Variants in RGS6 observed in about 807,000 individuals in gnomAD.
RGS6 encodes regulator of G protein signaling 6.
A neutral mutation model predicts 78.5 loss-of-function variants in RGS6; 30 were observed. That is an observed-to-expected ratio of 0.38 (90% CI 0.29 to 0.52). RGS6 has a LOEUF of 0.52. Ranked by LOEUF, RGS6 falls within the 20% of genes least tolerant of loss-of-function variation. RGS6 has a pLI of 0.85. For missense variants in RGS6, 495 were observed against 609.7 expected (o/e 0.81, Z 1.98); for synonymous variants, 206 against 206.0 (o/e 1.00, Z 0.00).
chr14:72,463,695 C>T (rs1421466985), intron 6 of RGS6, among the ~76,000 whole-genome samples: 1 of 152,234 alleles, frequency 6.6e-6, no homozygotes, highest in Non-Finnish European at 1.5e-5. Flanking sequence ...ATTGTCAAAG[C>T]AGCTGCCACC....
At chr14:72,506,876 T>C (rs145128204) in intron 13 of RGS6, among the ~76,000 whole-genome samples, 99 of 150,938 alleles carry the variant, frequency 6.6e-4, no homozygotes, top group African/African-American at 2.3e-3. Flanking sequence ...AGGCTGGGCA[T>C]AGTGGCTCAC....
intron 3 of RGS6, among the ~76,000 whole-genome samples, chr14:72,411,442 C>T (rs535110217): frequency 1.1e-3 from 160 of 152,294 alleles, no homozygotes; most frequent in African/African-American, 3.8e-3. Flanking sequence ...GCTGAAGTTG[C>T]TTATCAGCTT....
At chr14:72,305,337 T>G (rs1377289262) in intron 2 of RGS6, among the ~76,000 whole-genome samples, 1 of 152,246 alleles carries the variant, frequency 6.6e-6, no homozygotes, top group East Asian at 1.9e-4. Flanking sequence ...CTCCAGTCTG[T>G]GTAGGAGAAT....
chr14:72,127,019 A>T (rs1378952846), intron 2 of RGS6, among the ~76,000 whole-genome samples: 1 of 152,128 alleles, frequency 6.6e-6, no homozygotes, highest in East Asian at 1.9e-4. Flanking sequence ...GGGAGAAAAA[A>T]AATTGTTTTA....
chr14:72,548,335 G>GTT (rs2097439719), intron 17 of RGS6, among the ~76,000 whole-genome samples: 1 of 133,224 alleles, frequency 7.5e-6, no homozygotes, highest in Non-Finnish European at 1.5e-5. Context: ...ATTTGTGTGT[G>GTT]TGTGTGTGCG....
intron 2 of RGS6, among the ~76,000 whole-genome samples, chr14:72,110,612 A>G (rs2095737554): frequency 6.6e-6 from 1 of 152,160 alleles, no homozygotes; most frequent in Non-Finnish European, 1.5e-5. Context: ...GTGTAAATCC[A>G]GTTTCTCTTA....
intron 3 of RGS6, among the ~76,000 whole-genome samples, chr14:72,377,026 A>T (rs577342790): frequency 6.6e-6 from 1 of 152,190 alleles, no homozygotes; most frequent in African/African-American, 2.4e-5. Flanking sequence ...AGTAAAAAGA[A>T]ATCGATAGGA....
the RGS6 span, among the ~76,000 whole-genome samples, chr14:71,879,687 C>T: frequency 6.6e-6 from 1 of 152,132 alleles, no homozygotes; most frequent in South Asian, 2.1e-4. Context: ...CTTTCGCCTT[C>T]TACTATGATT....
chr14:72,420,269 A>G (rs1195450870), intron 3 of RGS6, among the ~76,000 whole-genome samples: 2 of 152,224 alleles, frequency 1.3e-5, no homozygotes, highest in Non-Finnish European at 2.9e-5. Flanking sequence ...AGGGTCTCCA[A>G]AATTACATAT....
At chr14:72,204,665 G>A (rs1333891670) in intron 2 of RGS6, among the ~76,000 whole-genome samples, 1 of 152,186 alleles carries the variant, frequency 6.6e-6, no homozygotes, top group Non-Finnish European at 1.5e-5. Context: ...GATGAAAGGG[G>A]CAAGGGGTCT....
At chr14:72,625,378 G>A in the RGS6 span, among the ~76,000 whole-genome samples, 2 of 151,796 alleles carry the variant, frequency 1.3e-5, no homozygotes, top group Non-Finnish European at 1.5e-5. Flanking sequence ...TGGTCATTAC[G>A]GGTTCCTTCA....
chr14:72,004,438 A>G (rs545352564), intron 2 of RGS6, among the ~76,000 whole-genome samples: 207 of 152,374 alleles, frequency 1.4e-3, no homozygotes, highest in Non-Finnish European at 2.2e-3. Context: ...TATAGTCTTA[A>G]TAGCAACTGA....
chr14:72,247,792 G>C (rs373633804), intron 2 of RGS6, among the ~76,000 whole-genome samples: 9 of 152,158 alleles, frequency 5.9e-5, no homozygotes, highest in African/African-American at 1.4e-4. Flanking sequence ...CCATTTTCCT[G>C]TTGCTCTCTT....
chr14:72,463,756 T>C (rs1356234965), intron 6 of RGS6, among the ~76,000 whole-genome samples: 1 of 152,248 alleles, frequency 6.6e-6, no homozygotes, highest in African/African-American at 2.4e-5. Flanking sequence ...CCAGTCGAGC[T>C]GGTGACATGT....
At chr14:72,302,615 A>G (rs1053321492) in intron 2 of RGS6, among the ~76,000 whole-genome samples, 1 of 152,160 alleles carries the variant, frequency 6.6e-6, no homozygotes, top group African/African-American at 2.4e-5. Flanking sequence ...AGTAAATCCA[A>G]GCAATCAGAA....
chr14:72,471,074 A>G lies in RGS6; in HGVS notation c.536+991A>G, dbSNP rs746975305. ...TGCAGAGAGCAGCTATCCTGAGCAC[A>G]GGCTGACCCAGATGGGGGCCCAGAG... On this transcript the variant is annotated intron_variant, in intron 8 of 17. Transcript: ENST00000553525. Among the ~76,000 whole-genome samples, 15 of 152,164 alleles carry G rather than the reference A, an allele frequency of 9.9e-5. No individual in the cohort carries two copies. The South Asian group carries it at 1.0e-3, about 11-fold the overall frequency.
chr14:71,925,718 A>ATATTATATTATATTATATTATATTATAT, the RGS6 span, among the ~76,000 whole-genome samples: 764 of 147,872 alleles, frequency 5.2e-3, 11 homozygotes, highest in African/African-American at 0.016. Context: ...ACTTCATATT[A>ATATTATATTATATTATATTATATTATAT]TATTATATTA....
chr14:72,418,120 C>T (rs1267248138), intron 3 of RGS6, among the ~76,000 whole-genome samples: 7 of 151,996 alleles, frequency 4.6e-5, no homozygotes, highest in Admixed American at 3.9e-4. Context: ...TGGGAAAAGA[C>T]CATGAAGCGG....
At chr14:72,478,961 G>T (rs1305417055) in intron 12 of RGS6, among the ~76,000 whole-genome samples, 1 of 152,184 alleles carries the variant, frequency 6.6e-6, no homozygotes, top group Non-Finnish European at 1.5e-5. Context: ...GAAGATGGGA[G>T]ACCACATGGG....
Sources: allele counts gnomAD v4.1 joint callset (sites outside exome capture counted in the v4.1 genomes callset), GRCh38; gene constraint gnomAD v4.1.1; transcripts MANE v1.5; gene names NCBI Gene and HGNC (gene_info 2026-07-23, HGNC 2026-07-21).